The following FNIP1 variants were observed in gnomAD, a reference collection of about 807,000 sequenced individuals.
FNIP1 encodes folliculin interacting protein 1, also known as folliculin-interacting protein 1.
Under a neutral mutation model 124.5 loss-of-function variants are expected in FNIP1, and 40 were observed. The ratio of observed to expected loss-of-function variants is 0.32; its 90% CI spans 0.25 to 0.42. The LOEUF is 0.42. FNIP1 is among the 10% of genes least tolerant of loss of function. The pLI, the probability that FNIP1 is intolerant of heterozygous loss-of-function variation, is 1.00. For missense variants in FNIP1, 1,176 were observed against 1,403.7 expected, an observed-to-expected ratio of 0.84 and a Z score of 2.59; for synonymous variants, 472 against 470.6, an observed-to-expected ratio of 1.00 and a Z score of -0.04.
intron 6 of FNIP1, among the ~76,000 whole-genome samples, chr5:131,716,285 G>A (rs1025058435): frequency 4.6e-5 from 7 of 152,132 alleles, no homozygotes; most frequent in African/African-American, 1.7e-4. Flanking sequence ...ACCTTTCAAA[G>A]ATGCATCAAA....
chr5:131,647,837 G>A (rs894466634), intron 16 of FNIP1, among the ~76,000 whole-genome samples: 1 of 151,946 alleles, frequency 6.6e-6, no homozygotes, highest in Non-Finnish European at 1.5e-5. Context: ...TTGTGCAACC[G>A]TCACTACTAT....
chr5:131,761,745 G>C (rs1019292976), intron 1 of FNIP1, among the ~76,000 whole-genome samples: 1 of 150,420 alleles, frequency 6.6e-6, no homozygotes, highest in South Asian at 2.1e-4. Flanking sequence ...TTCTTGACAG[G>C]AATAGAAAAA....
At chr5:131,724,882 G>A (rs778850756) in intron 3 of FNIP1, among the ~76,000 whole-genome samples, 1 of 152,136 alleles carries the variant, frequency 6.6e-6, no homozygotes, top group African/African-American at 2.4e-5. Context: ...TTTGTATAAG[G>A]TGTAAGGAAG....
At chr5:131,660,317 A>G (rs1347355590) in intron 15 of FNIP1, among the ~76,000 whole-genome samples, 19 of 152,144 alleles carry the variant, frequency 1.2e-4, no homozygotes, top group Admixed American at 1.2e-3. Context: ...TAAGGCACAG[A>G]CATTATTCTG....
chr5:131,752,065 CAA>C (rs1770890010), intron 1 of FNIP1, among the ~76,000 whole-genome samples: 1 of 151,708 alleles, frequency 6.6e-6, no homozygotes, highest in African/African-American at 2.4e-5. Context: ...TTTTTGGAGA[CAA>C]GAGTTTCGCT....
intron 1 of FNIP1, among the ~76,000 whole-genome samples, chr5:131,759,065 G>A (rs934263429): frequency 4.6e-5 from 7 of 151,906 alleles, no homozygotes; most frequent in Non-Finnish European, 1.0e-4. Context: ...AGCCTTATCT[G>A]GATCCTTACT....
At chr5:131,685,344 C>CA (rs1768236688) in intron 11 of FNIP1, among the ~76,000 whole-genome samples, 2 of 151,294 alleles carry the variant, frequency 1.3e-5, no homozygotes, top group South Asian at 4.2e-4. Context: ...ATTTAAACCA[C>CA]AAAAAATAAA....
chr5:131,665,459 A>G (rs1289685796), intron 15 of FNIP1, among the ~76,000 whole-genome samples: 2 of 151,906 alleles, frequency 1.3e-5, no homozygotes, highest in African/African-American at 4.8e-5. Flanking sequence ...GTATTTTTTT[A>G]AAGTATCACT....
In FNIP1 at chr5:131,715,835, CAAAT is replaced by C. The variant is rs1226369756; in HGVS notation, c.622+726_622+729del. On this transcript the variant is annotated intron_variant, in intron 6 of 17. Coordinates refer to ENST00000510461, the MANE Select transcript of FNIP1 (RefSeq NM_133372.3). ...AAAAAACTTTTCTACTAATATATAA[CAAAT>C]ATTTATTAAAATTAATTATAAATAA... 2.0e-5 allele frequency among the ~76,000 whole-genome samples: 3 copies of C among 151,652 alleles called. No individual in the cohort carries two copies. In the East Asian group the frequency reaches 5.8e-4, roughly 29 times the overall value.
intron 6 of FNIP1, among the ~76,000 whole-genome samples, chr5:131,713,841 C>T (rs1769380647): frequency 6.6e-6 from 1 of 152,218 alleles, no homozygotes; most frequent in Admixed American, 6.5e-5. Flanking sequence ...CACTAATTTA[C>T]TGTAGGTAAC....
intron 6 of FNIP1, among the ~76,000 whole-genome samples, chr5:131,712,554 C>T (rs535797934): frequency 1.3e-5 from 2 of 152,282 alleles, no homozygotes; most frequent in East Asian, 1.9e-4. Flanking sequence ...TTAGCTGTAT[C>T]CTCATCCACA....
chr5:131,688,148 C>T (rs1768346564), intron 11 of FNIP1, among the ~76,000 whole-genome samples: 1 of 152,006 alleles, frequency 6.6e-6, no homozygotes, highest in Non-Finnish European at 1.5e-5. Context: ...AACATTTCCC[C>T]TTCCTCTCTC....
intron 15 of FNIP1, among the ~76,000 whole-genome samples, chr5:131,668,776 T>C (rs1054143367): frequency 2.0e-5 from 3 of 152,228 alleles, no homozygotes; most frequent in African/African-American, 7.2e-5. Flanking sequence ...TCAACTCTGC[T>C]GTTAGGCATG....
In FNIP1 at chr5:131,704,236, A is replaced by T; in HGVS notation, c.945T>A (p.Asp315Glu). Residue 315 changes from aspartate to glutamate, a missense_variant, in exon 10 of 18, where the codon GAT (aspartate) becomes GAA (glutamate). Coordinates refer to ENST00000510461, the MANE Select transcript of FNIP1 (RefSeq NM_133372.3). The stretch of plus-strand genomic sequence containing the variant: ...TTCCTGGGTTAGGGCCACAGCTTTC[A>T]TCTGAGAGATTAAAGCTTTCTTCTA... ...WSIEESFNLS[D>E]ESCGPNPGIV... 5 of 1,612,944 alleles carry T rather than the reference A, an allele frequency of 3.1e-6. No individual in the cohort carries two copies. The highest frequency in any genetic ancestry group is 4.2e-6 in the Non-Finnish European group (5 of 1,179,332).
chr5:131,778,082 G>GT (rs1385742844), intron 1 of FNIP1, among the ~76,000 whole-genome samples: 3 of 152,060 alleles, frequency 2.0e-5, no homozygotes, highest in East Asian at 1.9e-4. Context: ...GGTACTTTCT[G>GT]TTTTTTTGGC....
At chr5:131,691,543 TG>T (rs1415913791) in intron 11 of FNIP1, among the ~76,000 whole-genome samples, 1 of 152,162 alleles carries the variant, frequency 6.6e-6, no homozygotes, top group Non-Finnish European at 1.5e-5. Flanking sequence ...AACCAAACGC[TG>T]GTTCTCTGAA....
chr5:131,648,209 T>C (rs917626957), intron 16 of FNIP1, among the ~76,000 whole-genome samples: 6 of 142,544 alleles, frequency 4.2e-5, no homozygotes, highest in African/African-American at 1.5e-4. Flanking sequence ...TAGCCGAGCA[T>C]GGTGGCACGT....
At chr5:131,731,540 G>A (rs1397892682) in intron 2 of FNIP1, among the ~76,000 whole-genome samples, 1 of 151,934 alleles carries the variant, frequency 6.6e-6, no homozygotes, top group Non-Finnish European at 1.5e-5. Flanking sequence ...TGTAATCCCA[G>A]CTTCTTGGGA....
chr5:131,669,151 G>T (rs1459590226), intron 15 of FNIP1, among the ~76,000 whole-genome samples: 1 of 152,028 alleles, frequency 6.6e-6, no homozygotes, highest in African/African-American at 2.4e-5. Context: ...TACCAAAATG[G>T]ACTCAGAAAC....
Sources: gnomAD v4.1 joint callset for allele counts (sites outside exome capture counted in the v4.1 genomes callset) on GRCh38, gnomAD v4.1.1 for gene constraint, MANE v1.5 for transcripts, NCBI Gene and HGNC (gene_info 2026-07-23, HGNC 2026-07-21) for gene names.